The following TP63 variants were observed in gnomAD, a reference collection of about 807,000 sequenced individuals.
TP63 encodes the protein tumor protein p63.
TP63 carries 17 observed loss-of-function variants against 82.8 expected under a neutral mutation model. The observed-to-expected ratio is 0.21, with a 90% confidence interval of 0.14 to 0.31. The LOEUF (loss-of-function observed/expected upper bound fraction) is 0.31, where lower values mean the gene tolerates loss of function less well. TP63 is among the 10% of genes least tolerant of loss of function. The pLI, the probability that TP63 is intolerant of heterozygous loss-of-function variation, is 1.00. For synonymous variants in TP63, 330 were observed against 321.7 expected, an observed-to-expected ratio of 1.03 and a Z score of -0.28; for missense variants, 648 against 895.3, an observed-to-expected ratio of 0.72 and a Z score of 3.52.
rs1440295437 is a variant in TP63 at position 189,733,801 on chromosome 3, C to T, written c.63-3939C>T. 7.9e-5 allele frequency among the ~76,000 whole-genome samples: 12 copies of T among 152,234 alleles called. No homozygotes were observed. In the East Asian group the frequency reaches 2.3e-3, roughly 29 times the overall value. On this transcript the variant is annotated intron_variant, in intron 1 of 13. Coordinates refer to ENST00000264731, the MANE Select transcript of TP63 (RefSeq NM_003722.5). ...TCAACTTTTACTTCTTCTCTACTTACTATTTGGCAGTAAATAAACCAAGTC... is the reference window on the plus strand; with the variant it reads ...TCAACTTTTACTTCTTCTCTACTTATTATTTGGCAGTAAATAAACCAAGTC...
At chr3:189,673,794 T>C (rs1356203964) in intron 1 of TP63, among the ~76,000 whole-genome samples, 1 of 152,178 alleles carries the variant, frequency 6.6e-6, no homozygotes, top group Non-Finnish European at 1.5e-5. Context: ...TAAACTCAGT[T>C]TCTAATTCTT....
intron 4 of TP63, among the ~76,000 whole-genome samples, chr3:189,817,016 AC>A (rs201268844): frequency 4.9e-4 from 74 of 151,858 alleles, no homozygotes; most frequent in Non-Finnish European, 9.1e-4. Flanking sequence ...GAAAAAAAAA[AC>A]CCTACAACTT....
chr3:189,816,369 A>G (rs140534155), intron 4 of TP63, among the ~76,000 whole-genome samples: 1 of 152,194 alleles, frequency 6.6e-6, no homozygotes, highest in Non-Finnish European at 1.5e-5. Context: ...ATTTCCATAC[A>G]TGAGCTTTGC....
intron 3 of TP63, among the ~76,000 whole-genome samples, chr3:189,784,086 A>T (rs1329480648): frequency 6.6e-6 from 1 of 152,144 alleles, no homozygotes; most frequent in South Asian, 2.1e-4. Flanking sequence ...CTTATAGTTG[A>T]CTTTCATTTT....
chr3:189,789,724 G>C (rs1724929000), intron 3 of TP63: 2 of 1,318,880 alleles, frequency 1.5e-6, no homozygotes, highest in Non-Finnish European at 1.0e-6. Flanking sequence ...ATATTGTAAG[G>C]GTCTCGGGGT....
At chr3:189,643,993 T>C (rs937142929) in intron 1 of TP63, among the ~76,000 whole-genome samples, 22 of 152,332 alleles carry the variant, frequency 1.4e-4, no homozygotes, top group Admixed American at 1.2e-3. Context: ...TCCTCTTTAC[T>C]GTGGCATCTC....
intron 3 of TP63, among the ~76,000 whole-genome samples, chr3:189,766,397 A>G (rs1231023670): frequency 1.3e-5 from 2 of 151,626 alleles, no homozygotes; most frequent in African/African-American, 4.9e-5. Context: ...TATCTGAAAA[A>G]ATAAATACTT....
At chr3:189,784,321 A>G (rs1235099201) in intron 3 of TP63, among the ~76,000 whole-genome samples, 1 of 152,086 alleles carries the variant, frequency 6.6e-6, no homozygotes. Flanking sequence ...ACTGTAGGAC[A>G]TACATGACAT....
chr3:189,840,854 C>T (rs1713994542), intron 4 of TP63, among the ~76,000 whole-genome samples: 1 of 90,308 alleles, frequency 1.1e-5, no homozygotes, highest in African/African-American at 4.2e-5. Context: ...AAGACTCAGT[C>T]TCCAAAAAAA....
intron 1 of TP63, among the ~76,000 whole-genome samples, chr3:189,654,330 A>G (rs1713142751): frequency 6.6e-6 from 1 of 152,120 alleles, no homozygotes; most frequent in African/African-American, 2.4e-5. Context: ...ATAGATTATT[A>G]AACTGAAATG....
In TP63 at chr3:189,867,779, A is replaced by G. The variant is rs888730869; in HGVS notation, c.883-54A>G. On this transcript the variant is annotated intron_variant, in intron 6 of 13. Transcript: ENST00000264731. ...TAAATAGAGGGAAGAACTGAGAAGG[A>G]ACAACGTCAGTTTAAACCCTTGTTA... 11 of 1,496,006 alleles carry G rather than the reference A, an allele frequency of 7.4e-6. No homozygotes were observed. The African/African-American group carries it at 1.5e-4, about 21-fold the overall frequency. The allele number at this position is 1,496,006 out of a possible 1,614,324, so 92.7% of individuals were successfully genotyped here.
At chr3:189,687,089 T>G (rs984171127) in intron 1 of TP63, among the ~76,000 whole-genome samples, 14 of 151,926 alleles carry the variant, frequency 9.2e-5, no homozygotes, top group African/African-American at 3.4e-4. Context: ...GAATGAAGGA[T>G]TGAAAATTAG....
At chr3:189,655,268 G>A (rs1367013129) in intron 1 of TP63, among the ~76,000 whole-genome samples, 3 of 152,116 alleles carry the variant, frequency 2.0e-5, no homozygotes, top group African/African-American at 4.8e-5. Flanking sequence ...AGAAAAAGCT[G>A]GACAAATCAA....
At chr3:189,734,411 A>G (rs1478476354) in intron 1 of TP63, among the ~76,000 whole-genome samples, 1 of 151,970 alleles carries the variant, frequency 6.6e-6, no homozygotes, top group Non-Finnish European at 1.5e-5. Context: ...TCTGAATCCA[A>G]AGCTAGTCTT....
chr3:189,708,363 G>A (rs759415144), intron 1 of TP63, among the ~76,000 whole-genome samples: 17 of 152,222 alleles, frequency 1.1e-4, no homozygotes, highest in Admixed American at 3.3e-4. Flanking sequence ...TTGTTTTCTC[G>A]TTTGTTTGTT....
chr3:189,798,239 G>A (rs867682339), intron 3 of TP63, among the ~76,000 whole-genome samples: 4 of 151,966 alleles, frequency 2.6e-5, no homozygotes, highest in African/African-American at 4.8e-5. Flanking sequence ...TAAATAAAGC[G>A]AGCCGACATA....
chr3:189,832,252 T>G (rs917867181), intron 4 of TP63, among the ~76,000 whole-genome samples: 1 of 152,172 alleles, frequency 6.6e-6, no homozygotes, highest in Non-Finnish European at 1.5e-5. Flanking sequence ...ACCTGAGACT[T>G]CTCTGCATCG....
chr3:189,620,950 A>G, the TP63 span, among the ~76,000 whole-genome samples: 1 of 152,204 alleles, frequency 6.6e-6, no homozygotes, highest in African/African-American at 2.4e-5. Flanking sequence ...TCTTGGCATA[A>G]TATTTTTCAC....
chr3:189,729,115 T>C (rs1397688071), intron 1 of TP63, among the ~76,000 whole-genome samples: 1 of 152,178 alleles, frequency 6.6e-6, no homozygotes, highest in Non-Finnish European at 1.5e-5. Flanking sequence ...TAGAAAATGC[T>C]GACTAATGAA....
Sources: allele counts gnomAD v4.1 joint callset (sites outside exome capture counted in the v4.1 genomes callset), GRCh38; gene constraint gnomAD v4.1.1; transcripts MANE v1.5; gene names NCBI Gene and HGNC (gene_info 2026-07-23, HGNC 2026-07-21).